The following PRKAR2B variants were observed in gnomAD, a reference collection of about 807,000 sequenced individuals.
The protein encoded by PRKAR2B is protein kinase cAMP-dependent type II regulatory subunit beta.
A neutral mutation model predicts 49.9 loss-of-function variants in PRKAR2B; 14 were observed. The ratio of observed to expected loss-of-function variants is 0.28; its 90% CI spans 0.19 to 0.44. The LOEUF is 0.44. Ranked by LOEUF, PRKAR2B falls within the 20% of genes least tolerant of loss-of-function variation. The probability of loss-of-function intolerance (pLI) is 1.00; values close to 1 mark genes in which losing one functional copy is unlikely to be tolerated. For missense variants in PRKAR2B, 393 were observed against 537.9 expected, an observed-to-expected ratio of 0.73 and a Z score of 2.67; for synonymous variants, 196 against 197.7, an observed-to-expected ratio of 0.99 and a Z score of 0.07.
intron 2 of PRKAR2B, chr7:107,078,214 A>AAG (rs1554364717): frequency 2.0e-5 from 3 of 151,604 alleles, no homozygotes; most frequent in South Asian, 2.1e-4. Context: ...AAAAAAAAAA[A>AAG]AAAGAAAAAA....
At chr7:107,070,447 A>T in intron 2 of PRKAR2B, 131 bp downstream of exon 2, 1 of 776,596 alleles carries the variant, frequency 1.3e-6, no homozygotes, top group Non-Finnish European at 2.0e-6. Flanking sequence ...TTCCCAGAAA[A>T]CACAACTATC....
chr7:107,124,219 A>G (rs1259180049), intron 3 of PRKAR2B, among the ~76,000 whole-genome samples: 3 of 152,190 alleles, frequency 2.0e-5, no homozygotes. Context: ...CCTTTAATAA[A>G]TGAAAATGTA....
chr7:107,090,810 A>G (rs1794720746), intron 2 of PRKAR2B, among the ~76,000 whole-genome samples: 1 of 152,250 alleles, frequency 6.6e-6, no homozygotes, highest in Non-Finnish European at 1.5e-5. Flanking sequence ...ATTACTGTTT[A>G]TAACAGAATA....
chr7:107,117,014 A>G (rs1018504565), intron 2 of PRKAR2B, among the ~76,000 whole-genome samples: 5 of 150,586 alleles, frequency 3.3e-5, no homozygotes, highest in African/African-American at 1.2e-4. Flanking sequence ...GTGTTTCTCA[A>G]TCTTTTTTCC....
rs926209213 is a variant in PRKAR2B at position 107,084,095 on chromosome 7, A to AT, written c.343+13786dup. Among the ~76,000 whole-genome samples, 5 of 152,174 alleles carry AT rather than the reference A, an allele frequency of 3.3e-5. 1 individual carries two copies. Among genetic ancestry groups the AT allele is most frequent in the Admixed American group, 1.3e-4 (2 of 15,284 alleles). On this transcript the variant is annotated intron_variant, in intron 2 of 10. Coordinates refer to ENST00000265717, the MANE Select transcript of PRKAR2B (RefSeq NM_002736.3). ...CCTGAGTCTGGAAGTTATGTTAAAT[A>AT]TTTTTTTGCACTAAATTCCAATAAA...
chr7:107,107,936 G>A (rs563291831), intron 2 of PRKAR2B, among the ~76,000 whole-genome samples: 10 of 144,936 alleles, frequency 6.9e-5, no homozygotes, highest in East Asian at 4.1e-4. Context: ...GATTACAGGC[G>A]TGAGATGCTG....
At chr7:107,114,345 TG>T (rs1235638110) in intron 2 of PRKAR2B, among the ~76,000 whole-genome samples, 5 of 132,548 alleles carry the variant, frequency 3.8e-5, no homozygotes, top group African/African-American at 1.8e-4. Flanking sequence ...TGTGTGTGTG[TG>T]TGTGTGTGTG....
chr7:107,140,945 A>C lies in PRKAR2B; in HGVS notation c.579A>C (p.Val193=), dbSNP rs760598229. Residue 193 remains valine, a synonymous_variant, in exon 5 of 11, where the codon GTA becomes GTC. Transcript: ENST00000265717. ...DQGDDGDNFY[V]IDRGTFDIYV... Reference sequence around the variant, plus strand: ...GTGACGATGGTGACAACTTTTATGTAATTGATAGGTAAGTTTTGCCCAACC... The same window carrying C: ...GTGACGATGGTGACAACTTTTATGTCATTGATAGGTAAGTTTTGCCCAACC... 6.2e-7 allele frequency: 1 copy of C among 1,609,764 alleles called. No homozygotes were observed. The highest frequency in any genetic ancestry group is 8.5e-7 in the Non-Finnish European group (1 of 1,177,878).
intron 6 of PRKAR2B, among the ~76,000 whole-genome samples, chr7:107,149,935 G>A (rs1795953054): frequency 6.6e-6 from 1 of 151,936 alleles, no homozygotes; most frequent in South Asian, 2.1e-4. Flanking sequence ...ATTTCATGTT[G>A]CATGCCTGTA....
At chr7:107,150,781 G>A (rs1795970725) in intron 6 of PRKAR2B, 141 bp from the exon 7 acceptor site, 1 of 482,438 alleles carries the variant, frequency 2.1e-6, no homozygotes, top group Non-Finnish European at 3.8e-6. Context: ...ATAAAAATAT[G>A]AAATGAGTTG....
At chr7:107,132,538 G>A (rs1584445163) in intron 4 of PRKAR2B, among the ~76,000 whole-genome samples, 2 of 152,116 alleles carry the variant, frequency 1.3e-5, no homozygotes, top group African/African-American at 4.8e-5. Flanking sequence ...TGAACTCCAG[G>A]GAAGGGGGAA....
chr7:107,145,808 C>T (rs1795882099), intron 5 of PRKAR2B, among the ~76,000 whole-genome samples: 1 of 144,828 alleles, frequency 6.9e-6, no homozygotes, highest in African/African-American at 2.6e-5. Context: ...GGCACAATCT[C>T]GGCTCACTGC....
intron 7 of PRKAR2B, 98 bp from the exon 8 acceptor site, chr7:107,153,079 T>C (rs1000529307): frequency 1.6e-5 from 11 of 698,638 alleles, no homozygotes; most frequent in Non-Finnish European, 2.6e-5. Context: ...CACTGCTCGA[T>C]TTATTTGGCC....
rs536899414 is a variant in PRKAR2B, at chr7:107,054,877, A to G, written c.307+9663A>G. 4.8e-3 allele frequency among the ~76,000 whole-genome samples: 728 copies of G among 152,272 alleles called. 3 individuals carry two copies. The highest frequency in any genetic ancestry group is 6.7e-3 in the Non-Finnish European group (453 of 68,022). On this transcript the variant is annotated intron_variant, in intron 1 of 10. Transcript: ENST00000265717. ...TACACAACGTGCAGGTTTGTTACAT[A>G]TGTATACATGTGCCATGTTGGTGTG...
intron 1 of PRKAR2B, among the ~76,000 whole-genome samples, chr7:107,063,918 A>C (rs2116762943): frequency 6.6e-6 from 1 of 152,326 alleles, no homozygotes; most frequent in South Asian, 2.1e-4. Flanking sequence ...TCTTACAAGC[A>C]GAACATTGGT....
intron 1 of PRKAR2B, 140 bp from the exon 2 acceptor site, chr7:107,070,141 G>T: frequency 2.0e-6 from 1 of 498,762 alleles, no homozygotes. Flanking sequence ...TTTAATTTTT[G>T]TATATTCATG....
intron 2 of PRKAR2B, among the ~76,000 whole-genome samples, chr7:107,083,418 G>A (rs1049454444): frequency 2.6e-5 from 4 of 151,586 alleles, no homozygotes; most frequent in Non-Finnish European, 4.4e-5. Flanking sequence ...ATTTATGCAC[G>A]GTCAACTGTG....
intron 6 of PRKAR2B, 112 bp downstream of exon 6, chr7:107,146,573 A>G: frequency 8.1e-7 from 1 of 1,227,986 alleles, no homozygotes; most frequent in East Asian, 2.6e-5. Flanking sequence ...GTCATCAGGT[A>G]ATTTATTAAG....
chr7:107,115,490 GA>G (rs904802876), intron 2 of PRKAR2B, among the ~76,000 whole-genome samples: 1 of 152,152 alleles, frequency 6.6e-6, no homozygotes, highest in African/African-American at 2.4e-5. Flanking sequence ...CAGGAAGTAG[GA>G]AAATATTAAA....
Sources: allele counts gnomAD v4.1 joint callset (sites outside exome capture counted in the v4.1 genomes callset), GRCh38; gene constraint gnomAD v4.1.1; transcripts MANE v1.5; gene names NCBI Gene and HGNC (gene_info 2026-07-23, HGNC 2026-07-21).